The following CHN2 variants were observed in gnomAD, a reference collection of about 807,000 sequenced individuals.
CHN2 encodes the protein beta-chimaerin.
Under a neutral mutation model 56.3 loss-of-function variants are expected in CHN2, and 35 were observed. That is an observed-to-expected ratio of 0.62 (90% CI 0.47 to 0.82). CHN2 has a LOEUF of 0.82. CHN2 is among the 40% of genes least tolerant of loss of function. The pLI is 0.00. For missense variants in CHN2, 491 were observed against 580.5 expected (o/e 0.85, Z 1.58); for synonymous variants, 210 against 212.8 (o/e 0.99, Z 0.12).
At chr7:29,338,583 TG>T (rs1401058122) in intron 1 of CHN2, among the ~76,000 whole-genome samples, 1 of 152,164 alleles carries the variant, frequency 6.6e-6, no homozygotes, top group Non-Finnish European at 1.5e-5. Context: ...GTGAGTTTTT[TG>T]TTTGTTTGTT....
chr7:29,509,444 C>T, intron 12 of CHN2, 38 bp downstream of exon 12: 2 of 1,495,794 alleles, frequency 1.3e-6, no homozygotes, highest in Non-Finnish European at 1.9e-6. Flanking sequence ...TGCTCTGCTC[C>T]TAGAGCGGTT....
rs577680567 is a variant in CHN2 at position 29,485,745 on chromosome 7, G to T, written c.654+5389G>T. ...TCCATCACATTTAAATCATCAGTTG[G>T]GGTGGGCCAGATGGTGGAAAGATGA... is the stretch of plus-strand genomic sequence containing the variant. On this transcript the variant is annotated intron_variant, in intron 7 of 12. Coordinates refer to ENST00000222792, the MANE Select transcript of CHN2 (RefSeq NM_004067.4). Among the ~76,000 whole-genome samples the T allele has an allele frequency of 2.6e-5, 4 of 152,224 alleles. No individual in the cohort carries two copies. In the South Asian group the frequency reaches 8.3e-4, roughly 32 times the overall value.
In CHN2 at chr7:29,400,590, A is replaced by G; in HGVS notation, c.338A>G (p.His113Arg). 6.2e-7 allele frequency: 1 copy of G among 1,614,176 alleles called. No homozygotes were observed. Among genetic ancestry groups the G allele is most frequent in the South Asian group, 1.1e-5 (1 of 91,082 alleles). Residue 113 changes from histidine (H) to arginine (R), a missense_variant, in exon 6 of 13, where the codon CAC becomes CGC. By Grantham distance (29) the His-to-Arg change is conservative (BLOSUM62 0). Coordinates refer to ENST00000222792, the MANE Select transcript of CHN2 (RefSeq NM_004067.4). ...TACAGGCTCTTCCACGACGGGAAACACTTTGTGGGTGAGAAGAGGTTTGAG... is the reference window on the plus strand; with the variant it reads ...TACAGGCTCTTCCACGACGGGAAACGCTTTGTGGGTGAGAAGAGGTTTGAG... ...LNYRLFHDGK[H>R]FVGEKRFESI... is the part of the protein sequence containing the mutation.
chr7:29,344,909 G>A (rs542545728), intron 1 of CHN2, among the ~76,000 whole-genome samples: 5 of 152,188 alleles, frequency 3.3e-5, no homozygotes, highest in African/African-American at 1.2e-4. Context: ...CTATGTTACA[G>A]TTGCCTTGTT....
At chr7:29,188,623 T>A (rs932920858) in intron 2 of CHN2, among the ~76,000 whole-genome samples, 1 of 152,084 alleles carries the variant, frequency 6.6e-6, no homozygotes, top group African/African-American at 2.4e-5. Flanking sequence ...CAGATTTTCT[T>A]GGGGAGTGAA....
At chr7:29,188,947 C>G (rs1323039292) in intron 2 of CHN2, among the ~76,000 whole-genome samples, 1 of 130,982 alleles carries the variant, frequency 7.6e-6, no homozygotes, top group Non-Finnish European at 1.7e-5. Context: ...TTTCCTCATA[C>G]CTTTTTTTTT....
chr7:29,202,335 A>G (rs1346084755), intron 1 of CHN2, among the ~76,000 whole-genome samples: 2 of 152,366 alleles, frequency 1.3e-5, no homozygotes, highest in South Asian at 2.1e-4. Context: ...GGTTTTTAGA[A>G]AATAAAGTTA....
intron 6 of CHN2, among the ~76,000 whole-genome samples, chr7:29,425,616 A>C (rs886067928): frequency 2.6e-5 from 4 of 152,164 alleles, no homozygotes; most frequent in Non-Finnish European, 5.9e-5. Context: ...ACTGTAGCAG[A>C]AGTGGGGTAT....
chr7:29,199,000 G>C (rs754150164), intron 1 of CHN2, among the ~76,000 whole-genome samples: 3 of 152,138 alleles, frequency 2.0e-5, no homozygotes, highest in Non-Finnish European at 2.9e-5. Flanking sequence ...AACAGAAAAA[G>C]ATAACAAGTC....
At chr7:29,200,941 G>T (rs1286488149) in intron 1 of CHN2, among the ~76,000 whole-genome samples, 1 of 152,068 alleles carries the variant, frequency 6.6e-6, no homozygotes, top group Non-Finnish European at 1.5e-5. Context: ...TTCTGGGAGG[G>T]CCAGCCACTA....
At chr7:29,404,743 T>A (rs962481637) in intron 6 of CHN2, among the ~76,000 whole-genome samples, 8 of 152,204 alleles carry the variant, frequency 5.3e-5, no homozygotes, top group Non-Finnish European at 1.0e-4. Flanking sequence ...TATTTATTAT[T>A]TTTTAAAGAC....
At chr7:29,192,443 A>G (rs961110700), upstream of CHN2, 2 of 152,276 alleles carry the variant, frequency 1.3e-5, no homozygotes, top group African/African-American at 2.4e-5. Context: ...TCAGAGATGA[A>G]TAATGAAACC....
At chr7:29,331,657 T>C (rs1271797342) in intron 1 of CHN2, among the ~76,000 whole-genome samples, 1 of 152,204 alleles carries the variant, frequency 6.6e-6, no homozygotes, top group African/African-American at 2.4e-5. Flanking sequence ...GAATCAGTTC[T>C]TCCCTTCAAA....
intron 6 of CHN2, among the ~76,000 whole-genome samples, chr7:29,405,164 T>TACATACACACACACACACACACAC (rs1802533113): frequency 9.5e-6 from 1 of 105,128 alleles, no homozygotes; most frequent in Non-Finnish European, 2.1e-5. Flanking sequence ...TATGTCACCA[T>TACATACACACACACACACACACAC]ACACACACAC....
intron 6 of CHN2, among the ~76,000 whole-genome samples, chr7:29,468,127 A>G (rs1301017445): frequency 1.7e-5 from 2 of 114,844 alleles, no homozygotes; most frequent in South Asian, 3.6e-4. Context: ...CTTCACAGAA[A>G]CCAAACGGAC....
intron 6 of CHN2, among the ~76,000 whole-genome samples, chr7:29,467,521 CAGG>C (rs1785638917): frequency 6.6e-6 from 1 of 152,214 alleles, no homozygotes; most frequent in African/African-American, 2.4e-5. Flanking sequence ...GGCAAATCAG[CAGG>C]AGGTTTGCAG....
Position 29,499,985 on chromosome 7 carries a change from C to T in CHN2, c.858C>T (p.His286=). ...CCDLTTLVKA[H]NTQRPMVVDI... Reference sequence around the variant, plus strand: ...ACCTCACAACACTTGTGAAGGCTCACAACACTCAGAGACCCATGGTGGTAG... The same window carrying T: ...ACCTCACAACACTTGTGAAGGCTCATAACACTCAGAGACCCATGGTGGTAG... Residue 286 remains histidine, a synonymous_variant, in exon 9 of 13, where the codon CAC becomes CAT. Transcript: ENST00000222792. 6.2e-7 allele frequency: 1 copy of T among 1,604,388 alleles called. No individual in the cohort carries two copies.
intron 2 of CHN2, among the ~76,000 whole-genome samples, chr7:29,358,555 C>T (rs1473455939): frequency 1.3e-5 from 2 of 152,054 alleles, no homozygotes; most frequent in Admixed American, 6.6e-5. Flanking sequence ...CCCCGCCTCC[C>T]GAGTTCACGC....
rs557880099 is a variant in CHN2 at position 29,477,636 on chromosome 7, C to A, written c.577-2643C>A. On this transcript the variant is annotated intron_variant, in intron 6 of 12. Coordinates refer to ENST00000222792, the MANE Select transcript of CHN2 (RefSeq NM_004067.4). ...TACCTGTAGACTAAGGATGGGAAGC[C>A]CTGCAAAGGTATGCCAAGCCTTCAC... 5.5e-4 allele frequency among the ~76,000 whole-genome samples: 84 copies of A among 152,314 alleles called. 1 individual carries two copies. Among genetic ancestry groups the A allele is most frequent in the African/African-American group, 1.0e-3 (42 of 41,578 alleles).
Sources: gnomAD v4.1 joint callset for allele counts (sites outside exome capture counted in the v4.1 genomes callset) on GRCh38, gnomAD v4.1.1 for gene constraint, MANE v1.5 for transcripts, NCBI Gene and HGNC (gene_info 2026-07-23, HGNC 2026-07-21) for gene names.